The following PPP1R12B variants were observed in gnomAD, a reference collection of about 807,000 sequenced individuals.
PPP1R12B encodes the protein protein phosphatase 1 regulatory subunit 12B.
PPP1R12B carries 76 observed loss-of-function variants against 126.1 expected under a neutral mutation model. The ratio of observed to expected loss-of-function variants is 0.60; its 90% CI spans 0.50 to 0.73. The LOEUF (loss-of-function observed/expected upper bound fraction) is 0.73. Among genes scored for constraint, PPP1R12B ranks in the 30% least tolerant of loss-of-function variants. PPP1R12B has a pLI of 0.00. For synonymous variants in PPP1R12B, 356 were observed against 434.7 expected (o/e 0.82, Z 2.25); for missense variants, 1,052 against 1,205.1 (o/e 0.87, Z 1.88).
chr1:202,515,493 C>T (rs573346848), intron 18 of PPP1R12B, among the ~76,000 whole-genome samples: 6 of 152,200 alleles, frequency 3.9e-5, no homozygotes, highest in Non-Finnish European at 8.8e-5. Flanking sequence ...CAGATCCCTG[C>T]TGCCTTCTTT....
At chr1:202,402,513 A>G (rs1665996278) in intron 1 of PPP1R12B, among the ~76,000 whole-genome samples, 1 of 152,250 alleles carries the variant, frequency 6.6e-6, no homozygotes, top group Non-Finnish European at 1.5e-5. Context: ...CTCAAGTCTT[A>G]ATCTCTAGTG....
At chr1:202,445,322 T>C in intron 12 of PPP1R12B, 1 of 1,061,518 alleles carries the variant, frequency 9.4e-7, no homozygotes, top group Non-Finnish European at 1.2e-6. Flanking sequence ...TTTATCACTA[T>C]AAAAACAAGT....
At chr1:202,483,834 C>T (rs979467559) in intron 13 of PPP1R12B, among the ~76,000 whole-genome samples, 8 of 152,098 alleles carry the variant, frequency 5.3e-5, no homozygotes, top group Non-Finnish European at 8.8e-5. Context: ...TTTTTATATC[C>T]TCTTGCTTAA....
chr1:202,525,163 G>A (rs1683185702), intron 18 of PPP1R12B, among the ~76,000 whole-genome samples: 1 of 152,188 alleles, frequency 6.6e-6, no homozygotes, highest in Non-Finnish European at 1.5e-5. Context: ...ACAGGTGTGA[G>A]CCACCACACG....
intron 12 of PPP1R12B, among the ~76,000 whole-genome samples, chr1:202,444,798 C>T (rs1672036732): frequency 1.3e-5 from 2 of 152,222 alleles, no homozygotes. Context: ...CGTTCCTTCA[C>T]TCTTTTGGAT....
intron 2 of PPP1R12B, among the ~76,000 whole-genome samples, chr1:202,421,123 G>A (rs1196232653): frequency 6.6e-6 from 1 of 151,530 alleles, no homozygotes; most frequent in Non-Finnish European, 1.5e-5. Context: ...GCCCGGCTAA[G>A]TTTTGTGTTT....
chr1:202,554,612 A>G (rs1165372895), intron 18 of PPP1R12B, among the ~76,000 whole-genome samples: 1 of 152,106 alleles, frequency 6.6e-6, no homozygotes. Flanking sequence ...AGAGATAGCA[A>G]GGAAAGATCA....
chr1:202,466,675 T>C (rs1251566425), intron 13 of PPP1R12B, among the ~76,000 whole-genome samples: 5 of 152,188 alleles, frequency 3.3e-5, no homozygotes, highest in African/African-American at 1.2e-4. Context: ...TCCATAACAA[T>C]AGCCATTTCT....
intron 13 of PPP1R12B, among the ~76,000 whole-genome samples, chr1:202,457,790 G>T (rs1211524058): frequency 3.3e-5 from 5 of 152,110 alleles, no homozygotes; most frequent in African/African-American, 9.7e-5. Flanking sequence ...GCAACTTTAA[G>T]TTAACTATAA....
intron 23 of PPP1R12B, chr1:202,574,852 C>G: frequency 2.7e-6 from 2 of 731,222 alleles, no homozygotes; most frequent in Non-Finnish European, 4.3e-6. Flanking sequence ...TGCTCCATGA[C>G]TCCTGCCTTT....
intron 13 of PPP1R12B, among the ~76,000 whole-genome samples, chr1:202,467,262 T>C (rs1167331468): frequency 2.6e-5 from 4 of 151,818 alleles, no homozygotes; most frequent in African/African-American, 9.7e-5. Flanking sequence ...TTAGGGTACA[T>C]GTGCAGAACG....
intron 1 of PPP1R12B, among the ~76,000 whole-genome samples, chr1:202,389,362 C>T (rs1196750724): frequency 2.0e-5 from 3 of 152,036 alleles, no homozygotes; most frequent in East Asian, 1.9e-4. Flanking sequence ...AAAATTTAAC[C>T]GGCCGGGCGC....
chr1:202,567,664 C>A (rs1688185512), intron 21 of PPP1R12B, 114 bp from the exon 22 acceptor site: 3 of 1,149,588 alleles, frequency 2.6e-6, no homozygotes, highest in Non-Finnish European at 3.8e-6. Context: ...TAGGGGAAGT[C>A]CAAAGTTTTA....
At chr1:202,355,068 C>T (rs1558120756) in intron 1 of PPP1R12B, among the ~76,000 whole-genome samples, 1 of 151,836 alleles carries the variant, frequency 6.6e-6, no homozygotes, top group Non-Finnish European at 1.5e-5. Flanking sequence ...ACCATCCTAG[C>T]TAATTTTTGT....
intron 9 of PPP1R12B, among the ~76,000 whole-genome samples, chr1:202,437,388 A>G (rs146051083): frequency 1.4e-4 from 22 of 152,294 alleles, no homozygotes; most frequent in Non-Finnish European, 2.2e-4. Flanking sequence ...GTCTCCACAT[A>G]TTATAAGGAG....
At chr1:202,381,434 G>GTGTGTGTGTGTATGTA (rs71142528) in intron 1 of PPP1R12B, among the ~76,000 whole-genome samples, 7 of 131,228 alleles carry the variant, frequency 5.3e-5, no homozygotes, top group African/African-American at 1.8e-4. Flanking sequence ...GTGTGTGTGT[G>GTGTGTGTGTGTATGTA]TGTATCATCC....
intron 18 of PPP1R12B, among the ~76,000 whole-genome samples, chr1:202,534,725 C>T (rs566514659): frequency 1.3e-4 from 20 of 152,244 alleles, no homozygotes; most frequent in Admixed American, 1.2e-3. Context: ...GTACCCTCCT[C>T]TTATTGCCAG....
At chr1:202,535,217 G>A (rs1287799605) in intron 18 of PPP1R12B, among the ~76,000 whole-genome samples, 1 of 151,986 alleles carries the variant, frequency 6.6e-6, no homozygotes, top group Non-Finnish European at 1.5e-5. Flanking sequence ...TTCAATCCAG[G>A]ATATCTGACC....
intron 21 of PPP1R12B, among the ~76,000 whole-genome samples, chr1:202,566,084 A>T (rs777288017): frequency 6.6e-6 from 1 of 152,232 alleles, no homozygotes; most frequent in Non-Finnish European, 1.5e-5. Context: ...CCACAGGAAG[A>T]GCAGTTTCAC....
Sources: gnomAD v4.1 joint callset for allele counts (sites outside exome capture counted in the v4.1 genomes callset) on GRCh38, gnomAD v4.1.1 for gene constraint, MANE v1.5 for transcripts, NCBI Gene and HGNC (gene_info 2026-07-23, HGNC 2026-07-21) for gene names.